The following OR11A1 variants were observed in gnomAD, a reference collection of about 807,000 sequenced individuals.
OR11A1 encodes the protein olfactory receptor 11A1.
For synonymous variants in OR11A1, 158 were observed against 152.2 expected (o/e 1.04, Z -0.28); for missense variants, 380 against 378.2 (o/e 1.00, Z -0.04).
At chr6:29,445,720 G>A (rs143800202) in intron 1 of OR11A1, among the ~76,000 whole-genome samples, 1 of 152,180 alleles carries the variant, frequency 6.6e-6, no homozygotes, top group Non-Finnish European at 1.5e-5. Context: ...TTACACAGGG[G>A]CCAGGAAAGG....
In OR11A1 at chr6:29,442,158, G is replaced by A. The variant is rs114584390; in HGVS notation, c.-388-10171C>T. Among the ~76,000 whole-genome samples, 873 of 152,284 alleles carry A rather than the reference G, an allele frequency of 5.7e-3. 3 individuals carry two copies. Among genetic ancestry groups the A allele is most frequent in the Non-Finnish European group, 0.01 (697 of 68,026 alleles). On this transcript the variant is annotated intron_variant, in intron 1 of 4. Coordinates refer to ENST00000377149, the MANE Select transcript of OR11A1 (RefSeq NM_001394828.1). ...TGGGGTGACTTTGCTGGGAAGAGAAGGGTATTCTTGAAATATCAGTGGCAT... is the reference window on the plus strand; with the variant it reads ...TGGGGTGACTTTGCTGGGAAGAGAAAGGTATTCTTGAAATATCAGTGGCAT...
chr6:29,446,631 G>A (rs1406691233), intron 1 of OR11A1, among the ~76,000 whole-genome samples: 2 of 152,210 alleles, frequency 1.3e-5, no homozygotes, highest in Non-Finnish European at 1.5e-5. Context: ...AAGGCACAAC[G>A]ATTGACTGAG....
intron 3 of OR11A1, 51 bp from the exon 4 acceptor site, chr6:29,429,011 G>A: frequency 3.2e-6 from 2 of 629,908 alleles, no homozygotes; most frequent in Non-Finnish European, 3.9e-6. Flanking sequence ...AGTTGAGAAA[G>A]GTAGAGAAAA....
intron 1 of OR11A1, chr6:29,440,652 A>G (rs1784075346): frequency 2.5e-6 from 4 of 1,614,120 alleles, no homozygotes; most frequent in African/African-American, 1.3e-5. Context: ...CTTTGGCCTC[A>G]TCCTGGGCTC....
chr6:29,443,193 GC>G (rs1376415599), intron 1 of OR11A1, among the ~76,000 whole-genome samples: 12 of 152,104 alleles, frequency 7.9e-5, no homozygotes, highest in African/African-American at 2.9e-4. Flanking sequence ...ACCCATGTAT[GC>G]ACCATGACAT....
At position 29,426,408 on chromosome 6, in the gene OR11A1, G is replaced by T. The variant is rs924845484; in HGVS notation, c.*286C>A. The T allele has an allele frequency of 9.0e-6, 3 of 334,754 alleles. No individual in the cohort carries two copies. Among genetic ancestry groups the T allele is most frequent in the African/African-American group, 6.3e-5 (3 of 47,784 alleles). The allele number at this position is 334,754 out of a possible 1,614,324, so 20.7% of individuals were successfully genotyped here. A position where few individuals can be genotyped will look rare whatever the true frequency, so the allele number is the denominator to read the frequency against. On this transcript the variant is annotated 3_prime_UTR_variant, in exon 5 of 5. Coordinates refer to ENST00000377149, the MANE Select transcript of OR11A1 (RefSeq NM_001394828.1). Reference sequence around the variant, plus strand: ...GAGGTTGGGAGGAGGGAGAAGATCAGGAAAAATGATTAATGAGTACTAGGC... The same window carrying T: ...GAGGTTGGGAGGAGGGAGAAGATCATGAAAAATGATTAATGAGTACTAGGC...
chr6:29,427,771 C>G, intron 4 of OR11A1, 39 bp from the exon 5 acceptor site: 1 of 1,401,362 alleles, frequency 7.1e-7, no homozygotes, highest in Non-Finnish European at 9.4e-7. Flanking sequence ...AAATGAGTCT[C>G]TAAAACAAGA....
At chr6:29,447,645 T>C (rs62408590) in intron 1 of OR11A1, among the ~76,000 whole-genome samples, 5 of 152,234 alleles carry the variant, frequency 3.3e-5, no homozygotes, top group Non-Finnish European at 7.3e-5. Flanking sequence ...ATATACTCTT[T>C]GGAGAATCAC....
intron 1 of OR11A1, chr6:29,440,267 C>T (rs1561793604): frequency 6.2e-7 from 1 of 1,614,080 alleles, no homozygotes; most frequent in Non-Finnish European, 8.5e-7. Flanking sequence ...TTCACCACCT[C>T]CTTACTGGCC....
chr6:29,439,900 G>A (rs1783958954), intron 1 of OR11A1: 2 of 740,578 alleles, frequency 2.7e-6, no homozygotes, highest in African/African-American at 1.8e-5. Flanking sequence ...TAGAAAGGGA[G>A]ATCTAGTGCT....
intron 1 of OR11A1, among the ~76,000 whole-genome samples, chr6:29,455,874 C>A (rs1166327666): frequency 0.017 from 1,404 of 80,786 alleles, no homozygotes; most frequent in South Asian, 0.02. Context: ...AGACTTGTCT[C>A]AAAAAAAAAA....
In OR11A1 at chr6:29,447,376, C is replaced by G. The variant is rs190142509; in HGVS notation, c.-389+9611G>C. Among the ~76,000 whole-genome samples the G allele has an allele frequency of 1.4e-3, 210 of 152,318 alleles. 5 individuals are homozygous for G. In the East Asian group the frequency reaches 0.021, roughly 15 times the overall value. ...AGATACCTATACACATTGGGCTTAT[C>G]ATTTTGATCTTTATTCAGCTCCTAA... On this transcript the variant is annotated intron_variant, in intron 1 of 4. Coordinates refer to ENST00000377149, the MANE Select transcript of OR11A1 (RefSeq NM_001394828.1).
chr6:29,440,716 G>A (rs751281587), intron 1 of OR11A1: 26 of 1,613,958 alleles, frequency 1.6e-5, no homozygotes, highest in Non-Finnish European at 2.2e-5. Flanking sequence ...GCGGGCCGCC[G>A]CAAGGCCTTC....
intron 1 of OR11A1, among the ~76,000 whole-genome samples, chr6:29,433,299 TA>T (rs1256328168): frequency 1.3e-5 from 2 of 152,186 alleles, no homozygotes; most frequent in Non-Finnish European, 2.9e-5. Flanking sequence ...TGTCTAACTG[TA>T]ATTTTTGTAA....
At chr6:29,429,269 G>A (rs1783086087) in intron 3 of OR11A1, among the ~76,000 whole-genome samples, 1 of 152,124 alleles carries the variant, frequency 6.6e-6, no homozygotes, top group South Asian at 2.1e-4. Flanking sequence ...CTTTTGAATG[G>A]AATCCCATTT....
rs9257857 is a variant in OR11A1, at chr6:29,427,149, C to T, written c.493G>A (p.Ala165Thr). ...TTGGGGCCACAGAACCTCAGCTGGG[C>T]CACCAGGGCCACAACCAGTCCATCT... ...VVDGLVVALV[A>T]QLRFCGPNHI... The change falls in exon 5 of 5, where the codon GCC becomes ACC. Residue 165 changes from alanine (A) to threonine (T), a missense_variant. Coordinates refer to ENST00000377149, the MANE Select transcript of OR11A1 (RefSeq NM_001394828.1). The T allele has an allele frequency of 0.15, 236,601 of 1,612,856 alleles. 18,434 individuals are homozygous for T. The highest frequency in any genetic ancestry group is 0.22 in the Admixed American group (12,965 of 59,972).
rs191261968 is a variant in OR11A1 at position 29,435,971 on chromosome 6, G to T, written c.-388-3984C>A. ...CTAAAAATATATTAACACAATGTCCGGTTGAAAAGAAAGTTCCAAACATTC... is the reference window on the plus strand; with the variant it reads ...CTAAAAATATATTAACACAATGTCCTGTTGAAAAGAAAGTTCCAAACATTC... On this transcript the variant is annotated intron_variant, in intron 1 of 4. Transcript: ENST00000377149. 7.9e-4 allele frequency among the ~76,000 whole-genome samples: 120 copies of T among 152,280 alleles called. 1 individual carries two copies. Among genetic ancestry groups the T allele is most frequent in the Non-Finnish European group, 4.0e-4 (27 of 68,022 alleles).
chr6:29,436,385 C>T (rs554503662), intron 1 of OR11A1, among the ~76,000 whole-genome samples: 2 of 152,122 alleles, frequency 1.3e-5, no homozygotes, highest in African/African-American at 2.4e-5. Context: ...AAAAATGTTG[C>T]AATGGATCTT....
At chr6:29,445,898 A>G (rs16894921) in intron 1 of OR11A1, among the ~76,000 whole-genome samples, 14,849 of 152,084 alleles carry the variant, frequency 0.098, 1,352 homozygotes, top group African/African-American at 0.24. Context: ...AAGAGGAAAT[A>G]TTGTAGAAGA....
Sources: gnomAD v4.1 joint callset for allele counts (sites outside exome capture counted in the v4.1 genomes callset) on GRCh38, gnomAD v4.1.1 for gene constraint, MANE v1.5 for transcripts, NCBI Gene and HGNC (gene_info 2026-07-23, HGNC 2026-07-21) for gene names.